Variants in BTBD9 observed in about 807,000 individuals in gnomAD.
The protein encoded by BTBD9 is BTB/POZ domain-containing protein 9.
A neutral mutation model predicts 64.3 loss-of-function variants in BTBD9; 49 were observed. That is an observed-to-expected ratio of 0.76 (90% CI 0.61 to 0.97). The LOEUF (loss-of-function observed/expected upper bound fraction) is 0.97. Ranked by LOEUF, BTBD9 falls within the 50% of genes least tolerant of loss-of-function variation. BTBD9 has a pLI of 0.00. For synonymous variants in BTBD9, 260 were observed against 274.7 expected, an observed-to-expected ratio of 0.95 and a Z score of 0.53; for missense variants, 598 against 762.1, an observed-to-expected ratio of 0.78 and a Z score of 2.53.
chr6:38,550,475 C>A (rs1401393673), intron 6 of BTBD9, among the ~76,000 whole-genome samples: 1 of 152,040 alleles, frequency 6.6e-6, no homozygotes, highest in African/African-American at 2.4e-5. Context: ...TGCCACCACA[C>A]CCGGCTAATT....
chr6:38,622,921 T>C (rs1258486780), intron 1 of BTBD9, among the ~76,000 whole-genome samples: 2 of 152,172 alleles, frequency 1.3e-5, no homozygotes, highest in African/African-American at 4.8e-5. Flanking sequence ...CCACCACTAA[T>C]GAATGCCTTC....
At chr6:38,203,215 T>C (rs1264577785) in intron 9 of BTBD9, among the ~76,000 whole-genome samples, 1 of 152,174 alleles carries the variant, frequency 6.6e-6, no homozygotes, top group African/African-American at 2.4e-5. Flanking sequence ...TCTTATACAC[T>C]GTTGGTGGGA....
intron 6 of BTBD9, among the ~76,000 whole-genome samples, chr6:38,498,860 A>C (rs1355183319): frequency 6.6e-6 from 1 of 152,188 alleles, no homozygotes; most frequent in Non-Finnish European, 1.5e-5. Flanking sequence ...TACATTCAAA[A>C]CAAATGGAGC....
intron 8 of BTBD9, among the ~76,000 whole-genome samples, chr6:38,280,900 A>G (rs1164601682): frequency 2.0e-5 from 3 of 152,194 alleles, no homozygotes; most frequent in Non-Finnish European, 2.9e-5. Context: ...TTAGTCAATG[A>G]GTGTTTATTG....
chr6:38,430,443 T>C (rs9349080), intron 6 of BTBD9, among the ~76,000 whole-genome samples: 18,990 of 151,594 alleles, frequency 0.13, 1,531 homozygotes, highest in East Asian at 0.34. Context: ...CAGGCTCATC[T>C]TGAACTCCTG....
chr6:38,616,789 G>T (rs374106293), intron 1 of BTBD9, among the ~76,000 whole-genome samples: 8 of 152,106 alleles, frequency 5.3e-5, no homozygotes, highest in Non-Finnish European at 1.2e-4. Context: ...CCCCTTCCAC[G>T]CTGTGGAAGC....
intron 6 of BTBD9, among the ~76,000 whole-genome samples, chr6:38,352,997 T>A (rs1764582407): frequency 6.6e-6 from 1 of 152,224 alleles, no homozygotes; most frequent in Non-Finnish European, 1.5e-5. Context: ...AATTATCCAA[T>A]GATTGATAGG....
chr6:38,378,044 C>A lies in BTBD9; in HGVS notation c.1155-32951G>T, dbSNP rs143574785. ...TTTTCCTGGTCATGTGATTCTTCCC[C>A]TGGCAAACAGTGTGAACTTCCGAAC... On this transcript the variant is annotated intron_variant, in intron 6 of 10. Transcript: ENST00000481247. 3.7e-3 allele frequency among the ~76,000 whole-genome samples: 568 copies of A among 152,206 alleles called. 2 individuals carry two copies. The highest frequency in any genetic ancestry group is 0.012 in the African/African-American group (510 of 41,530).
intron 9 of BTBD9, among the ~76,000 whole-genome samples, chr6:38,211,900 CAG>C (rs752819451): frequency 6.6e-5 from 10 of 152,210 alleles, no homozygotes; most frequent in Non-Finnish European, 1.3e-4. Context: ...AGGAGCTAGG[CAG>C]AGTGTCTAGA....
At chr6:38,597,838 T>G in intron 2 of BTBD9, 72 bp downstream of exon 2, 1 of 1,317,648 alleles carries the variant, frequency 7.6e-7, no homozygotes, top group East Asian at 2.3e-5. Context: ...GTTATATATT[T>G]TTCATAGAGC....
intron 6 of BTBD9, among the ~76,000 whole-genome samples, chr6:38,478,880 T>C (rs544749998): frequency 1.3e-4 from 20 of 152,302 alleles, no homozygotes; most frequent in Admixed American, 3.9e-4. Context: ...TTTTATCATA[T>C]ATAAAACCAG....
At position 38,271,486 on chromosome 6, in the gene BTBD9, G is replaced by C. The variant is rs1352679834; in HGVS notation, c.1455-14970C>G. On this transcript the variant is annotated intron_variant, in intron 8 of 10. Coordinates refer to ENST00000481247, the MANE Select transcript of BTBD9 (RefSeq NM_001099272.2). ...TTACCTGTATGGGCCAGAAATGTTAGTGAGGAAAGGAACTGAATGGATTAG... is the reference window on the plus strand; with the variant it reads ...TTACCTGTATGGGCCAGAAATGTTACTGAGGAAAGGAACTGAATGGATTAG... 2.0e-5 allele frequency among the ~76,000 whole-genome samples: 3 copies of C among 152,292 alleles called. No homozygotes were observed. The East Asian group carries it at 5.8e-4, about 29-fold the overall frequency.
intron 4 of BTBD9, among the ~76,000 whole-genome samples, chr6:38,587,063 CAAAA>C (rs35943182): frequency 8.1e-6 from 1 of 122,708 alleles, no homozygotes. Flanking sequence ...GACTCCATCT[CAAAA>C]AAAAAAAAAA....
At chr6:38,406,641 A>C (rs1767177384) in intron 6 of BTBD9, among the ~76,000 whole-genome samples, 1 of 152,236 alleles carries the variant, frequency 6.6e-6, no homozygotes, top group Non-Finnish European at 1.5e-5. Context: ...TAATAAGAAG[A>C]ATCACATTGG....
Position 38,393,932 on chromosome 6 carries a change from G to A in BTBD9, c.1155-48839C>T, listed in dbSNP as rs114250536. On this transcript the variant is annotated intron_variant, in intron 6 of 10. Transcript: ENST00000481247. Reference sequence around the variant, plus strand: ...GGCCTATTATCTGTTTGGGCACTATGTAATATCCTGGGGATACAAAAACGA... The same window carrying A: ...GGCCTATTATCTGTTTGGGCACTATATAATATCCTGGGGATACAAAAACGA... Among the ~76,000 whole-genome samples, 954 of 152,284 alleles carry A rather than the reference G, an allele frequency of 6.3e-3. 11 individuals carry two copies. Among genetic ancestry groups the A allele is most frequent in the African/African-American group, 0.019 (797 of 41,556 alleles).
At chr6:38,538,754 T>C (rs1017071987) in intron 6 of BTBD9, among the ~76,000 whole-genome samples, 3 of 151,596 alleles carry the variant, frequency 2.0e-5, no homozygotes, top group African/African-American at 7.3e-5. Context: ...ACTACAGGCA[T>C]GTGCCACCAT....
intron 1 of BTBD9, among the ~76,000 whole-genome samples, chr6:38,616,966 C>T (rs1279535949): frequency 6.6e-6 from 1 of 152,152 alleles, no homozygotes; most frequent in Non-Finnish European, 1.5e-5. Flanking sequence ...GGGGACTTGT[C>T]CAGGATATCG....
chr6:38,577,687 T>C lies in BTBD9; in HGVS notation c.1067A>G (p.Asp356Gly). ...SYSYFIEVSMDELDWVRVIDH... is the reference protein window; with the variant it reads ...SYSYFIEVSMGELDWVRVIDH... ...TATCACTCTGACCCAATCAAGTTCA[T>C]CCATTGACACTTCAATGAAGTATGA... The change falls in exon 6 of 11, where the codon GAT becomes GGT. Residue 356 changes from aspartate to glycine, a missense_variant. Transcript: ENST00000481247. 1 of 1,609,942 alleles carries C rather than the reference T, an allele frequency of 6.2e-7. No individual in the cohort carries two copies. The highest frequency in any genetic ancestry group is 8.5e-7 in the Non-Finnish European group (1 of 1,179,508).
chr6:38,300,723 T>C (rs939979227), intron 7 of BTBD9, among the ~76,000 whole-genome samples: 2 of 152,234 alleles, frequency 1.3e-5, no homozygotes, highest in Non-Finnish European at 2.9e-5. Flanking sequence ...TCCTGAGACT[T>C]TGCTGAAGTT....
Sources: allele counts gnomAD v4.1 joint callset (sites outside exome capture counted in the v4.1 genomes callset), GRCh38; gene constraint gnomAD v4.1.1; transcripts MANE v1.5; gene names NCBI Gene and HGNC (gene_info 2026-07-23, HGNC 2026-07-21).